The following CLSTN2 variants were observed in gnomAD, a reference collection of about 807,000 sequenced individuals.
The protein encoded by CLSTN2 is calsyntenin 2, also known as calsyntenin-2.
Under a neutral mutation model 101.2 loss-of-function variants are expected in CLSTN2, and 48 were observed. The observed-to-expected ratio is 0.47, with a 90% CI of 0.38 to 0.60. The LOEUF (loss-of-function observed/expected upper bound fraction) is 0.60, where lower values mean the gene tolerates loss of function less well. CLSTN2 is among the 20% of genes least tolerant of loss of function. The pLI is 0.00. For synonymous variants in CLSTN2, 481 were observed against 463.6 expected (o/e 1.04, Z -0.48); for missense variants, 1,160 against 1,238.2 (o/e 0.94, Z 0.95).
intron 1 of CLSTN2, among the ~76,000 whole-genome samples, chr3:140,150,043 G>T (rs1036130918): frequency 6.6e-6 from 1 of 152,146 alleles, no homozygotes; most frequent in Admixed American, 6.5e-5. Context: ...CTAGGATGAG[G>T]CATCACCCTT....
At chr3:139,998,335 C>CTTTTTTTTTTTTTTTTTTTTTTTTT (rs1290360293) in intron 1 of CLSTN2, among the ~76,000 whole-genome samples, 1 of 20,432 alleles carries the variant, frequency 4.9e-5, no homozygotes, top group Non-Finnish European at 7.8e-5. Context: ...CCCCCACATG[C>CTTTTTTTTTTTTTTTTTTTTTTTTT]CTTTTTTTTT....
At chr3:140,486,482 T>C (rs1018189913) in intron 8 of CLSTN2, among the ~76,000 whole-genome samples, 3 of 152,202 alleles carry the variant, frequency 2.0e-5, no homozygotes, top group Non-Finnish European at 4.4e-5. Context: ...TGCAAAGTTC[T>C]TAAACTTTAT....
chr3:140,421,507 G>A (rs7622202), intron 5 of CLSTN2, among the ~76,000 whole-genome samples: 88,932 of 152,000 alleles, frequency 0.59, 28,510 homozygotes, highest in African/African-American at 0.87. Context: ...TTTGTCCAGT[G>A]CTCCCTTTCT....
chr3:139,943,076 C>T (rs539848456), intron 1 of CLSTN2, among the ~76,000 whole-genome samples: 1 of 152,200 alleles, frequency 6.6e-6, no homozygotes, highest in South Asian at 2.1e-4. Context: ...CCCCATATGT[C>T]CCAAACTAAG....
At chr3:140,049,181 G>C (rs1313988036) in intron 1 of CLSTN2, among the ~76,000 whole-genome samples, 1 of 152,242 alleles carries the variant, frequency 6.6e-6, no homozygotes, top group African/African-American at 2.4e-5. Flanking sequence ...AAGAGGGCCA[G>C]CTCTGGAGTG....
At chr3:140,282,457 G>A (rs1323094213) in intron 2 of CLSTN2, among the ~76,000 whole-genome samples, 1 of 152,178 alleles carries the variant, frequency 6.6e-6, no homozygotes, top group South Asian at 2.1e-4. Context: ...GTTTACTGCT[G>A]CATATAGAAG....
intron 2 of CLSTN2, among the ~76,000 whole-genome samples, chr3:140,299,042 A>G (rs2107908371): frequency 6.6e-6 from 1 of 152,188 alleles, no homozygotes; most frequent in East Asian, 1.9e-4. Flanking sequence ...CCTCACTGTC[A>G]CCTGGGCTCT....
chr3:140,054,294 G>A (rs758313097), intron 1 of CLSTN2, among the ~76,000 whole-genome samples: 3 of 152,070 alleles, frequency 2.0e-5, no homozygotes, highest in East Asian at 1.9e-4. Flanking sequence ...TTTAAGATGC[G>A]TTTGCTTAAC....
intron 1 of CLSTN2, among the ~76,000 whole-genome samples, chr3:140,033,901 G>A (rs2007606349): frequency 6.6e-6 from 1 of 152,180 alleles, no homozygotes; most frequent in South Asian, 2.1e-4. Context: ...ACAGGAGGAG[G>A]TTGAAATAAT....
intron 2 of CLSTN2, among the ~76,000 whole-genome samples, chr3:140,296,101 A>G (rs566185355): frequency 5.9e-5 from 9 of 152,232 alleles, no homozygotes; most frequent in African/African-American, 2.2e-4. Flanking sequence ...CTCCTGACCA[A>G]TGTGTCTTTT....
chr3:140,062,812 G>A (rs1401335475), intron 1 of CLSTN2, among the ~76,000 whole-genome samples: 1 of 152,132 alleles, frequency 6.6e-6, no homozygotes, highest in Non-Finnish European at 1.5e-5. Context: ...CCATTTCCTT[G>A]TCTGAACCAG....
intron 1 of CLSTN2, among the ~76,000 whole-genome samples, chr3:140,048,489 G>A (rs1346386878): frequency 6.6e-6 from 1 of 152,206 alleles, no homozygotes; most frequent in African/African-American, 2.4e-5. Flanking sequence ...AGTAGTGCTT[G>A]CTCCTCGGGG....
At chr3:140,017,536 G>A (rs953979158) in intron 1 of CLSTN2, among the ~76,000 whole-genome samples, 6 of 152,212 alleles carry the variant, frequency 3.9e-5, no homozygotes, top group Non-Finnish European at 5.9e-5. Flanking sequence ...TTCCTTGGGG[G>A]CCTGAGCTGA....
At chr3:140,212,213 C>A (rs536027467) in intron 2 of CLSTN2, among the ~76,000 whole-genome samples, 9 of 152,286 alleles carry the variant, frequency 5.9e-5, no homozygotes, top group African/African-American at 1.7e-4. Flanking sequence ...CTATCTGGTG[C>A]ATTATGTTTA....
chr3:140,545,014 TA>T (rs1178540812), intron 9 of CLSTN2, among the ~76,000 whole-genome samples: 3 of 152,130 alleles, frequency 2.0e-5, no homozygotes, highest in Non-Finnish European at 4.4e-5. Context: ...AAAACCTTTC[TA>T]AAAATTATAA....
At chr3:140,239,304 C>T (rs1559815829) in intron 2 of CLSTN2, among the ~76,000 whole-genome samples, 2 of 152,132 alleles carry the variant, frequency 1.3e-5, no homozygotes, top group Non-Finnish European at 2.9e-5. Flanking sequence ...TGATTACATA[C>T]ACATACTACA....
intron 1 of CLSTN2, among the ~76,000 whole-genome samples, chr3:139,986,424 A>G (rs779343656): frequency 3.1e-4 from 47 of 152,008 alleles, no homozygotes; most frequent in Admixed American, 3.9e-4. Context: ...ATCTTGCCCA[A>G]TGTAAGTGGC....
At chr3:140,428,160 T>C (rs2088592772) in intron 5 of CLSTN2, among the ~76,000 whole-genome samples, 1 of 152,196 alleles carries the variant, frequency 6.6e-6, no homozygotes, top group African/African-American at 2.4e-5. Context: ...TTGGGGTTTT[T>C]CTGTTTGTTT....
At chr3:140,301,655 C>T (rs2087060156) in intron 2 of CLSTN2, among the ~76,000 whole-genome samples, 1 of 152,192 alleles carries the variant, frequency 6.6e-6, no homozygotes, top group African/African-American at 2.4e-5. Flanking sequence ...CCAGGATTCC[C>T]TGGACTATAA....
Sources: allele counts gnomAD v4.1 joint callset (sites outside exome capture counted in the v4.1 genomes callset), GRCh38; gene constraint gnomAD v4.1.1; transcripts MANE v1.5; gene names NCBI Gene and HGNC (gene_info 2026-07-23, HGNC 2026-07-21).